PTPRM: variants seen among roughly 807,000 people sequenced by gnomAD.
PTPRM encodes the protein receptor-type tyrosine-protein phosphatase mu.
In PTPRM, 47 loss-of-function variants were observed where a neutral mutation model predicts 186.7. The ratio of observed to expected loss-of-function variants is 0.25; its 90% CI spans 0.20 to 0.32. The LOEUF (loss-of-function observed/expected upper bound fraction) is 0.32. Among genes scored for constraint, PTPRM ranks in the 10% least tolerant of loss-of-function variants. PTPRM has a pLI of 1.00. For synonymous variants in PTPRM, 668 were observed against 674.9 expected (o/e 0.99, Z 0.16); for missense variants, 1,494 against 1,865.0 (o/e 0.80, Z 3.66).
intron 20 of PTPRM, among the ~76,000 whole-genome samples, chr18:8,312,617 T>G (rs2095277858): frequency 6.6e-6 from 1 of 152,032 alleles, no homozygotes; most frequent in Non-Finnish European, 1.5e-5. Flanking sequence ...AGGTAGGCAC[T>G]CTTCATCTCC....
intron 14 of PTPRM, among the ~76,000 whole-genome samples, chr18:8,184,158 C>G (rs553460797): frequency 6.6e-6 from 1 of 152,206 alleles, no homozygotes; most frequent in African/African-American, 2.4e-5. Flanking sequence ...TTTCTTTGCA[C>G]AGACACAGTA....
rs150498721 is a variant in PTPRM at position 7,922,808 on chromosome 18, G to C, written c.548-3760G>C. Among the ~76,000 whole-genome samples the C allele has an allele frequency of 2.2e-3, 342 of 152,280 alleles. 9 individuals are homozygous for C. The highest frequency in any genetic ancestry group is 0.018 in the Admixed American group (282 of 15,298). On this transcript the variant is annotated intron_variant, in intron 4 of 32. Transcript: ENST00000580170. ...TAATAGTTTAACTTATAAAAAAAAG[G>C]TTTTAATTATGAAAACTTTTATCTT...
chr18:7,670,913 A>T (rs2039204038), intron 1 of PTPRM, among the ~76,000 whole-genome samples: 1 of 152,202 alleles, frequency 6.6e-6, no homozygotes, highest in African/African-American at 2.4e-5. Flanking sequence ...GTGGTCTTTG[A>T]TACCCATGAT....
At chr18:7,621,512 A>T (rs1424141473) in intron 1 of PTPRM, among the ~76,000 whole-genome samples, 1 of 152,088 alleles carries the variant, frequency 6.6e-6, no homozygotes, top group Non-Finnish European at 1.5e-5. Context: ...GCCACATTTG[A>T]TGTTGAACAT....
At chr18:8,002,029 T>C (rs2083904557) in intron 7 of PTPRM, among the ~76,000 whole-genome samples, 1 of 152,214 alleles carries the variant, frequency 6.6e-6, no homozygotes, top group South Asian at 2.1e-4. Context: ...TGTGGAAAAC[T>C]GCTCCTGATT....
intron 2 of PTPRM, among the ~76,000 whole-genome samples, chr18:7,876,947 C>G (rs2048273838): frequency 6.6e-6 from 1 of 152,122 alleles, no homozygotes; most frequent in African/African-American, 2.4e-5. Flanking sequence ...CTTAACCCCT[C>G]TATGCCTGAG....
chr18:8,048,668 T>C (rs551675186), intron 7 of PTPRM, among the ~76,000 whole-genome samples: 1 of 152,244 alleles, frequency 6.6e-6, no homozygotes, highest in East Asian at 1.9e-4. Context: ...GTGTGGTCTT[T>C]TGTGAAACCA....
intron 19 of PTPRM, among the ~76,000 whole-genome samples, chr18:8,272,360 T>G (rs1475656080): frequency 6.6e-6 from 1 of 152,134 alleles, no homozygotes; most frequent in African/African-American, 2.4e-5. Context: ...CTTTTCTTAT[T>G]TTTAAATGAG....
chr18:7,932,023 T>G (rs2051516206), intron 5 of PTPRM, among the ~76,000 whole-genome samples: 1 of 152,252 alleles, frequency 6.6e-6, no homozygotes, highest in African/African-American at 2.4e-5. Flanking sequence ...TTGTAACTTC[T>G]GCTCTTTAAT....
At chr18:8,126,004 TATATATATATATATA>T (rs1421256665) in intron 13 of PTPRM, among the ~76,000 whole-genome samples, 517 of 36,930 alleles carry the variant, frequency 0.014, 41 homozygotes, top group African/African-American at 0.044. Flanking sequence ...TATATATATA[TATATATATATATATA>T]TATATATATT....
At chr18:7,661,269 T>C (rs2038975088) in intron 1 of PTPRM, among the ~76,000 whole-genome samples, 1 of 152,232 alleles carries the variant, frequency 6.6e-6, no homozygotes, top group African/African-American at 2.4e-5. Flanking sequence ...ATGTGACTTT[T>C]AGAAGCTCCC....
chr18:7,831,204 C>G (rs938936389), intron 2 of PTPRM, among the ~76,000 whole-genome samples: 5 of 152,030 alleles, frequency 3.3e-5, no homozygotes, highest in African/African-American at 1.2e-4. Context: ...GAGCAATGGT[C>G]TTAAATATTG....
intron 4 of PTPRM, among the ~76,000 whole-genome samples, chr18:7,911,658 CA>C (rs1238894756): frequency 5.3e-5 from 8 of 152,116 alleles, no homozygotes; most frequent in Admixed American, 5.2e-4. Flanking sequence ...CATTTACCCC[CA>C]ATCTGTGAGT....
intron 1 of PTPRM, among the ~76,000 whole-genome samples, chr18:7,732,362 C>CA: frequency 6.6e-6 from 1 of 152,160 alleles, no homozygotes; most frequent in South Asian, 2.1e-4. Context: ...TTGATCAGAA[C>CA]TTAGTTATGA....
intron 13 of PTPRM, among the ~76,000 whole-genome samples, chr18:8,123,003 G>A (rs879544762): frequency 2.0e-5 from 3 of 152,184 alleles, no homozygotes; most frequent in Non-Finnish European, 4.4e-5. Flanking sequence ...GTTGAACTGT[G>A]CTTCCTTATA....
chr18:8,036,353 A>G (rs2086328775), intron 7 of PTPRM, among the ~76,000 whole-genome samples: 1 of 152,248 alleles, frequency 6.6e-6, no homozygotes, highest in African/African-American at 2.4e-5. Flanking sequence ...AGAGATTTTT[A>G]TAGAGGTGCT....
At chr18:8,322,336 T>G (rs901291914) in intron 22 of PTPRM, among the ~76,000 whole-genome samples, 2 of 152,292 alleles carry the variant, frequency 1.3e-5, no homozygotes, top group African/African-American at 4.8e-5. Flanking sequence ...TAATAATGGG[T>G]GACGTTTCTG....
intron 19 of PTPRM, among the ~76,000 whole-genome samples, chr18:8,281,114 T>C (rs959078905): frequency 1.3e-5 from 2 of 152,186 alleles, no homozygotes; most frequent in Non-Finnish European, 2.9e-5. Flanking sequence ...CCCTGCTCAA[T>C]GAACATCATA....
intron 7 of PTPRM, among the ~76,000 whole-genome samples, chr18:8,061,325 C>T (rs1403072732): frequency 7.7e-6 from 1 of 129,656 alleles, no homozygotes; most frequent in African/African-American, 3.1e-5. Flanking sequence ...CTTCCTCCAT[C>T]CTTTTATTTT....
Sources: allele counts gnomAD v4.1 joint callset (sites outside exome capture counted in the v4.1 genomes callset), GRCh38; gene constraint gnomAD v4.1.1; transcripts MANE v1.5; gene names NCBI Gene and HGNC (gene_info 2026-07-23, HGNC 2026-07-21).